Variants in CACNB4 observed in about 807,000 individuals in gnomAD.
CACNB4 encodes the protein voltage-dependent L-type calcium channel subunit beta-4.
Under a neutral mutation model 71.2 loss-of-function variants are expected in CACNB4, and 32 were observed. The ratio of observed to expected loss-of-function variants is 0.45; its 90% CI spans 0.34 to 0.60. The LOEUF is 0.60. Among genes scored for constraint, CACNB4 ranks in the 20% least tolerant of loss-of-function variants. The pLI is 0.01. For synonymous variants in CACNB4, 231 were observed against 236.9 expected, an observed-to-expected ratio of 0.97 and a Z score of 0.23; for missense variants, 464 against 647.9, an observed-to-expected ratio of 0.72 and a Z score of 3.08.
intron 2 of CACNB4, among the ~76,000 whole-genome samples, chr2:151,981,126 C>G (rs868652747): frequency 2.0e-5 from 3 of 152,176 alleles, no homozygotes; most frequent in Non-Finnish European, 4.4e-5. Context: ...CCATAACACT[C>G]TATCTCCCAC....
chr2:151,833,129 T>TA lies in CACNB4; in HGVS notation c.*5989dup, dbSNP rs777600055. On this transcript the variant is annotated 3_prime_UTR_variant, in exon 14 of 14. Transcript: ENST00000539935. ...AAAATTATTTGACAAAGGCATTTTT[T>TA]ATCCCACTTTGTCAATGGAGATATA... 3.9e-5 allele frequency: 6 copies of TA among 152,218 alleles called. No individual in the cohort carries two copies. The highest frequency in any genetic ancestry group is 2.1e-4 in the South Asian group (1 of 4,836). 9.4% of individuals were successfully genotyped at this position (152,218 alleles called of 1,614,324 possible).
intron 2 of CACNB4, among the ~76,000 whole-genome samples, chr2:152,060,720 G>A (rs1001643290): frequency 4.6e-5 from 7 of 151,854 alleles, no homozygotes; most frequent in East Asian, 1.9e-4. Flanking sequence ...ACAGGGGCAA[G>A]TTAAATACAT....
intron 2 of CACNB4, chr2:151,971,407 A>G: frequency 1.5e-6 from 1 of 650,776 alleles, no homozygotes; most frequent in South Asian, 1.7e-5. Context: ...CCCACCCCCA[A>G]CCGAAGTGCC....
intron 9 of CACNB4, among the ~76,000 whole-genome samples, chr2:151,861,978 C>T (rs2099841854): frequency 1.3e-5 from 2 of 152,140 alleles, no homozygotes; most frequent in Admixed American, 6.5e-5. Flanking sequence ...TGAGATTGCT[C>T]AACTTCCAAT....
intron 2 of CACNB4, among the ~76,000 whole-genome samples, chr2:152,000,886 G>A (rs1682356740): frequency 6.6e-6 from 1 of 152,138 alleles, no homozygotes; most frequent in Non-Finnish European, 1.5e-5. Flanking sequence ...TTGAGCCAGC[G>A]CAGATGTGGC....
intron 9 of CACNB4, among the ~76,000 whole-genome samples, chr2:151,863,096 C>T (rs1028213901): frequency 1.3e-5 from 2 of 151,200 alleles, no homozygotes; most frequent in African/African-American, 2.4e-5. Flanking sequence ...GTCGGAGTCT[C>T]GCTCTGTCAC....
At chr2:152,005,225 T>C (rs1682654489) in intron 2 of CACNB4, among the ~76,000 whole-genome samples, 1 of 152,228 alleles carries the variant, frequency 6.6e-6, no homozygotes, top group African/African-American at 2.4e-5. Context: ...TGCATGTGTA[T>C]GTTCATCGCA....
chr2:151,902,003 G>A (rs1396442778), intron 2 of CACNB4, among the ~76,000 whole-genome samples: 1 of 149,752 alleles, frequency 6.7e-6, no homozygotes, highest in East Asian at 2.0e-4. Context: ...AGTTGGCAAC[G>A]TTCTCCCTAG....
chr2:151,997,052 A>G (rs760541980), intron 2 of CACNB4, among the ~76,000 whole-genome samples: 54 of 152,210 alleles, frequency 3.5e-4, no homozygotes, highest in Admixed American at 1.3e-4. Context: ...TTAAGTAAAT[A>G]AATACACCCT....
intron 2 of CACNB4, among the ~76,000 whole-genome samples, chr2:152,025,160 G>C (rs1465174977): frequency 1.3e-5 from 2 of 152,194 alleles, no homozygotes; most frequent in African/African-American, 2.4e-5. Context: ...GCAAATACTA[G>C]CTTATCTATT....
chr2:152,041,965 A>G (rs1684895650), intron 2 of CACNB4, among the ~76,000 whole-genome samples: 1 of 152,182 alleles, frequency 6.6e-6, no homozygotes, highest in Non-Finnish European at 1.5e-5. Context: ...TGCCCAGCAC[A>G]TAGGAGGTGT....
chr2:152,011,663 C>T (rs1023599583), intron 2 of CACNB4, among the ~76,000 whole-genome samples: 16 of 152,140 alleles, frequency 1.1e-4, no homozygotes, highest in Non-Finnish European at 8.8e-5. Context: ...CTTTGGAATC[C>T]CAAACGGTCC....
chr2:152,049,111 T>C (rs2105282579), intron 2 of CACNB4, among the ~76,000 whole-genome samples: 1 of 152,258 alleles, frequency 6.6e-6, no homozygotes, highest in East Asian at 1.9e-4. Flanking sequence ...CATAACTTGT[T>C]TTCCTGTTCA....
Position 152,098,274 on chromosome 2 carries a change from C to A in CACNB4, c.147+56G>T. On this transcript the variant is annotated intron_variant, in intron 2 of 13. Transcript: ENST00000539935. The surrounding 1 kb of genome is among the most constrained non-coding windows in gnomAD (Gnocchi z 5.3). ...GTGGGCCACGGCCGGCTCCAGGACC[C>A]CCGCGCCGCGCGCTCGGCCTCCTCC... is the stretch of plus-strand genomic sequence containing the variant. 1 of 1,437,116 alleles carries A rather than the reference C, an allele frequency of 7.0e-7. No individual in the cohort carries two copies. 89.0% of individuals were successfully genotyped at this position (1,437,116 alleles called of 1,614,324 possible).
intron 2 of CACNB4, among the ~76,000 whole-genome samples, chr2:151,981,128 A>G (rs191595408): frequency 5.3e-5 from 8 of 152,190 alleles, no homozygotes; most frequent in South Asian, 4.2e-4. Flanking sequence ...ATAACACTCT[A>G]TCTCCCACAC....
At chr2:152,091,672 C>CTCCTTGGCTGTTTCCCTCAGA (rs1687981640) in intron 2 of CACNB4, among the ~76,000 whole-genome samples, 1 of 152,080 alleles carries the variant, frequency 6.6e-6, no homozygotes, top group South Asian at 2.1e-4. Context: ...GGTTGTGCCC[C>CTCCTTGGCTGTTTCCCTCAGA]TCCTTGGCTG....
At chr2:151,839,552 C>T (rs890863358) in intron 13 of CACNB4, among the ~76,000 whole-genome samples, 173 bp from the exon 14 acceptor site, 2 of 152,190 alleles carry the variant, frequency 1.3e-5, no homozygotes, top group Non-Finnish European at 2.9e-5. Flanking sequence ...TTATTTGGGA[C>T]ACAACATGAA....
rs574762447 is a variant in CACNB4, at chr2:151,929,873, A to T, written c.148-46503T>A. ...TCCCCTGATAATCATAAAATAATTG[A>T]ATAGAAGGTCATGCTTTGTTCTAGG... On this transcript the variant is annotated intron_variant, in intron 2 of 13. Coordinates refer to ENST00000539935, the MANE Select transcript of CACNB4 (RefSeq NM_000726.5). 1.1e-4 allele frequency among the ~76,000 whole-genome samples: 16 copies of T among 152,260 alleles called. 1 individual carries two copies. The highest frequency in any genetic ancestry group is 3.8e-4 in the African/African-American group (16 of 41,568).
chr2:152,054,695 G>A (rs905542728), intron 2 of CACNB4, among the ~76,000 whole-genome samples: 1 of 152,166 alleles, frequency 6.6e-6, no homozygotes, highest in African/African-American at 2.4e-5. Context: ...CCTACCAGCA[G>A]TGTATGAGGA....
Sources: gnomAD v4.1 joint callset for allele counts (sites outside exome capture counted in the v4.1 genomes callset) on GRCh38, gnomAD v4.1.1 for gene constraint, Gnocchi (gnomAD v3.1) non-coding constraint, MANE v1.5 for transcripts, NCBI Gene and HGNC (gene_info 2026-07-23, HGNC 2026-07-21) for gene names.